PTPRCAP: variants seen among roughly 807,000 people sequenced by gnomAD.
The protein encoded by PTPRCAP is protein tyrosine phosphatase receptor type C-associated protein.
For synonymous variants in PTPRCAP, 136 were observed against 135.8 expected (o/e 1.00, Z -0.01); for missense variants, 294 against 285.5 (o/e 1.03, Z -0.22).
intron 1 of PTPRCAP, chr11:67,437,362 A>G: frequency 2.5e-6 from 1 of 395,234 alleles, no homozygotes; most frequent in Non-Finnish European, 4.5e-6. Flanking sequence ...TCCCGCTCAC[A>G]GGAAGACCAG....
In PTPRCAP at chr11:67,435,882, C is replaced by T. The variant is rs774291361; in HGVS notation, c.472G>A (p.Asp158Asn). Residue 158 changes from aspartate to asparagine, a missense_variant, in exon 2 of 2, where the codon GAC (aspartate) becomes AAC (asparagine). Transcript: ENST00000326294. ...EEARDSDTEG[D>N]LVLGSPGPAS... ...GGTCCTGGGGAGCCGAGGACCAGGTCGCCCTCCGTGTCACTGTCTCTGGCT... is the reference window on the plus strand; with the variant it reads ...GGTCCTGGGGAGCCGAGGACCAGGTTGCCCTCCGTGTCACTGTCTCTGGCT... The T allele has an allele frequency of 2.1e-5, 34 of 1,611,562 alleles. No individual in the cohort carries two copies. The highest frequency in any genetic ancestry group is 2.6e-5 in the Non-Finnish European group (31 of 1,179,524).
At position 67,435,515 on chromosome 11, in the gene PTPRCAP, G is replaced by T; in HGVS notation, c.*218C>A. On this transcript the variant is annotated 3_prime_UTR_variant, in exon 2 of 2. Transcript: ENST00000326294. ...TCTCTGTAGGACCACAGGGCCACAG[G>T]CTGAAGGAGTTTTATTTCAAATGGT... 1.4e-6 allele frequency: 1 copy of T among 710,200 alleles called. No individual in the cohort carries two copies. The highest frequency in any genetic ancestry group is 2.2e-6 in the Non-Finnish European group (1 of 451,406). 44.0% of individuals were successfully genotyped at this position (710,200 alleles called of 1,614,324 possible).
rs1319678172 is a variant in PTPRCAP at position 67,436,342 on chromosome 11, G to A, written c.12C>T (p.Pro4=). The A allele has an allele frequency of 2.2e-5, 33 of 1,469,586 alleles. No homozygotes were observed. The highest frequency in any genetic ancestry group is 2.8e-5 in the Non-Finnish European group (31 of 1,111,290). The allele number at this position is 1,469,586 out of a possible 1,614,324, so 91.0% of individuals were successfully genotyped here. A position where few individuals can be genotyped will look rare whatever the true frequency, so the allele number is the denominator to read the frequency against. MAL[P]CTLGLGMLLA... ...GCAGCATCCCGAGCCCTAAGGTGCAGGGCAGAGCCTGTGGGAGACAGGCAG... is the reference window on the plus strand; with the variant it reads ...GCAGCATCCCGAGCCCTAAGGTGCAAGGCAGAGCCTGTGGGAGACAGGCAG... The change falls in exon 2 of 2, where the codon CCC becomes CCT. Residue 4 remains proline (P), a synonymous_variant. Coordinates refer to ENST00000326294, the MANE Select transcript of PTPRCAP (RefSeq NM_005608.3).
Position 67,435,588 on chromosome 11 carries a change from T to A in PTPRCAP, c.*145A>T, listed in dbSNP as rs1724318699. The A allele has an allele frequency of 7.9e-7, 1 of 1,263,594 alleles. No individual in the cohort carries two copies. The highest frequency in any genetic ancestry group is 2.7e-5 in the Admixed American group (1 of 36,920). The allele number at this position is 1,263,594 out of a possible 1,614,324, so 78.3% of individuals were successfully genotyped here. ...GGGGCCGTTCCCGTGGTGAGCGGGG[T>A]ACACATGGACTTGGGAACTGGTAGG... On this transcript the variant is annotated 3_prime_UTR_variant, in exon 2 of 2. Coordinates refer to ENST00000326294, the MANE Select transcript of PTPRCAP (RefSeq NM_005608.3).
chr11:67,437,653 C>T lies in PTPRCAP; in HGVS notation c.-34G>A. The T allele has an allele frequency of 2.2e-6, 3 of 1,360,438 alleles. No homozygotes were observed. Among genetic ancestry groups the T allele is most frequent in the Non-Finnish European group, 2.9e-6 (3 of 1,047,802 alleles). The allele number at this position is 1,360,438 out of a possible 1,614,324, so 84.3% of individuals were successfully genotyped here. A position where few individuals can be genotyped will look rare whatever the true frequency, so the allele number is the denominator to read the frequency against. ...AGGCCCCTCCGTGCCGGGCACCCACCTCCAGCTCTGGCTGTGTCGAGCGAG... is the reference window on the plus strand; with the variant it reads ...AGGCCCCTCCGTGCCGGGCACCCACTTCCAGCTCTGGCTGTGTCGAGCGAG... On this transcript the variant is annotated 5_prime_UTR_variant, in exon 1 of 2. Coordinates refer to ENST00000326294, the MANE Select transcript of PTPRCAP (RefSeq NM_005608.3).
chr11:67,436,494 T>A (rs1864283633), intron 1 of PTPRCAP, 144 bp from the exon 2 acceptor site: 2 of 970,858 alleles, frequency 2.1e-6, no homozygotes, highest in African/African-American at 3.4e-5. Flanking sequence ...CAAGGCCTTA[T>A]TTGGTCAACC....
rs1590981719 is a variant in PTPRCAP at position 67,435,617 on chromosome 11, T to G, written c.*116A>C. ...CATGGACTTGGGAACTGGTAGGGGG[T>G]GACAGTCTGAGGCATGGTCATGTGG... On this transcript the variant is annotated 3_prime_UTR_variant, in exon 2 of 2. Transcript: ENST00000326294. 4 of 1,434,990 alleles carry G rather than the reference T, an allele frequency of 2.8e-6. No homozygotes were observed. Among genetic ancestry groups the G allele is most frequent in the East Asian group, 2.4e-5 (1 of 41,784 alleles). The allele number at this position is 1,434,990 out of a possible 1,614,324, so 88.9% of individuals were successfully genotyped here.
At chr11:67,437,229 A>G (rs1864304752) in intron 1 of PTPRCAP, 2 of 188,926 alleles carry the variant, frequency 1.1e-5, no homozygotes, top group Non-Finnish European at 2.2e-5. Flanking sequence ...AGGCGGGCGC[A>G]GCTGCCAGAG....
In PTPRCAP at chr11:67,435,954, A is replaced by G. The variant is rs1367153750; in HGVS notation, c.400T>C (p.Cys134Arg). The change falls in exon 2 of 2, where the codon TGT becomes CGT. Residue 134 changes from cysteine (C) to arginine (R), a missense_variant. Cys to Arg is a radical substitution (Grantham distance 180). Coordinates refer to ENST00000326294, the MANE Select transcript of PTPRCAP (RefSeq NM_005608.3). Reference sequence around the variant, plus strand: ...TGCTCTGGGCTGGACGCCTCTCCACATTGCTGCTCGCCTTCCCCAGGGTCA... The same window carrying G: ...TGCTCTGGGCTGGACGCCTCTCCACGTTGCTGCTCGCCTTCCCCAGGGTCA... ...QADPGEGEQQ[C>R]GEASSPEQVP... is the part of the protein sequence containing the mutation. The G allele has an allele frequency of 9.3e-6, 15 of 1,613,336 alleles. No individual in the cohort carries two copies. The highest frequency in any genetic ancestry group is 8.8e-5 in the South Asian group (8 of 91,088).
intron 1 of PTPRCAP, chr11:67,436,660 G>C: frequency 3.2e-6 from 1 of 314,060 alleles, no homozygotes; most frequent in Non-Finnish European, 5.8e-6. Flanking sequence ...CCCCTCCCCC[G>C]GGCTGCATGG....
rs1864252334 is a variant in PTPRCAP at position 67,435,712 on chromosome 11, A to T, written c.*21T>A. 1 of 1,502,190 alleles carries T rather than the reference A, an allele frequency of 6.7e-7. No homozygotes were observed. The highest frequency in any genetic ancestry group is 8.8e-7 in the Non-Finnish European group (1 of 1,130,384). 93.1% of individuals were successfully genotyped at this position (1,502,190 alleles called of 1,614,324 possible). A position where few individuals can be genotyped will look rare whatever the true frequency, so the allele number is the denominator to read the frequency against. On this transcript the variant is annotated 3_prime_UTR_variant, in exon 2 of 2. Transcript: ENST00000326294. ...CGGGGAGTGAGCGGCTGTGACAGGG[A>T]TGGGACACCAAGACCGGCCTCTACA... is the stretch of plus-strand genomic sequence containing the variant.
At position 67,435,872 on chromosome 11, in the gene PTPRCAP, A is replaced by C. The variant is rs1864260200; in HGVS notation, c.482T>G (p.Leu161Arg). The C allele has an allele frequency of 6.2e-7, 1 of 1,611,114 alleles. No homozygotes were observed. Among genetic ancestry groups the C allele is most frequent in the African/African-American group, 1.3e-5 (1 of 74,878 alleles). Residue 161 changes from leucine (L) to arginine (R), a missense_variant, in exon 2 of 2, where the codon CTC becomes CGC. Transcript: ENST00000326294. Reference sequence around the variant, plus strand: ...TGCGCTCGCTGGTCCTGGGGAGCCGAGGACCAGGTCGCCCTCCGTGTCACT... The same window carrying C: ...TGCGCTCGCTGGTCCTGGGGAGCCGCGGACCAGGTCGCCCTCCGTGTCACT... ...RDSDTEGDLVLGSPGPASAGG... is the reference protein window; with the variant it reads ...RDSDTEGDLVRGSPGPASAGG...
In PTPRCAP at chr11:67,436,225, G is replaced by T; in HGVS notation, c.129C>A (p.Leu43=). The change falls in exon 2 of 2, where the codon CTC becomes CTA. Residue 43 remains leucine, a synonymous_variant. Transcript: ENST00000326294. ...GTGCTAGGCCAGTGGCCAGCAGTAGGAGCAGCAGCAGCAGCAGGACAACGG... is the reference window on the plus strand; with the variant it reads ...GTGCTAGGCCAGTGGCCAGCAGTAGTAGCAGCAGCAGCAGCAGGACAACGG... The part of the protein sequence containing the change: ...SVTVVLLLLL[L]LLLATGLALA... 1 of 1,547,664 alleles carries T rather than the reference G, an allele frequency of 6.5e-7. No homozygotes were observed. Among genetic ancestry groups the T allele is most frequent in the East Asian group, 2.4e-5 (1 of 41,190 alleles).
intron 1 of PTPRCAP, 45 bp downstream of exon 1, chr11:67,437,572 G>C (rs749828019): frequency 1.1e-5 from 15 of 1,338,636 alleles, no homozygotes; most frequent in Non-Finnish European, 1.4e-5. Flanking sequence ...AGCCCCGACC[G>C]CCTGTGGCCC....
Position 67,435,544 on chromosome 11 carries a change from C to T in PTPRCAP, c.*189G>A, listed in dbSNP as rs1481925380. 2.4e-6 allele frequency: 2 copies of T among 824,278 alleles called. No homozygotes were observed. Among genetic ancestry groups the T allele is most frequent in the African/African-American group, 3.7e-5 (2 of 53,868 alleles). 51.1% of individuals were successfully genotyped at this position (824,278 alleles called of 1,614,324 possible). ...AAGGAGTTTTATTTCAAATGGTTGC[C>T]TGATGCCTGTGGTTGGGGGGGGCCG... On this transcript the variant is annotated 3_prime_UTR_variant, in exon 2 of 2. Coordinates refer to ENST00000326294, the MANE Select transcript of PTPRCAP (RefSeq NM_005608.3).
chr11:67,435,890 G>C lies in PTPRCAP; in HGVS notation c.464C>G (p.Thr155Arg). ...VRAEEARDSD[T>R]EGDLVLGSPG... ...GGAGCCGAGGACCAGGTCGCCCTCC[G>C]TGTCACTGTCTCTGGCTTCCTCAGC... Residue 155 changes from threonine to arginine, a missense_variant, in exon 2 of 2, where the codon ACG becomes AGG. By Grantham distance (71) the Thr-to-Arg change is moderately conservative. Coordinates refer to ENST00000326294, the MANE Select transcript of PTPRCAP (RefSeq NM_005608.3). 1 of 1,612,112 alleles carries C rather than the reference G, an allele frequency of 6.2e-7. No homozygotes were observed. Among genetic ancestry groups the C allele is most frequent in the Non-Finnish European group, 8.5e-7 (1 of 1,179,596 alleles).
intron 1 of PTPRCAP, 187 bp downstream of exon 1, chr11:67,437,429 GC>G (rs1161685912): frequency 1.9e-5 from 11 of 572,382 alleles, no homozygotes; most frequent in Non-Finnish European, 3.0e-5. Context: ...GGTGCTGGGG[GC>G]CAGGCCTGGA....
chr11:67,437,308 C>T, intron 1 of PTPRCAP: 1 of 333,810 alleles, frequency 3.0e-6, no homozygotes, highest in Non-Finnish European at 5.4e-6. Flanking sequence ...AGCCAGCCTC[C>T]CCCACCACCC....
intron 1 of PTPRCAP, 176 bp from the exon 2 acceptor site, chr11:67,436,526 A>T: frequency 1.5e-6 from 1 of 684,880 alleles, no homozygotes; most frequent in Non-Finnish European, 2.2e-6. Context: ...CTGTGAGATC[A>T]GCCCCCATCC....
Sources: allele counts gnomAD v4.1 joint callset, GRCh38; gene constraint gnomAD v4.1.1; transcripts MANE v1.5; gene names NCBI Gene and HGNC (gene_info 2026-07-23, HGNC 2026-07-21).